ANKFN1: variants seen among roughly 807,000 people sequenced by gnomAD.
The protein encoded by ANKFN1 is ankyrin repeat and fibronectin type-III domain-containing protein 1.
A neutral mutation model predicts 108.7 loss-of-function variants in ANKFN1; 74 were observed. The observed-to-expected ratio is 0.68, with a 90% CI of 0.56 to 0.83. The LOEUF (loss-of-function observed/expected upper bound fraction) is 0.83, where lower values mean the gene tolerates loss of function less well. ANKFN1 is among the 40% of genes least tolerant of loss of function. The probability of loss-of-function intolerance (pLI) is 0.00; values close to 1 mark genes in which losing one functional copy is unlikely to be tolerated. For synonymous variants in ANKFN1, 547 were observed against 516.2 expected, an observed-to-expected ratio of 1.06 and a Z score of -0.81; for missense variants, 1,505 against 1,382.3, an observed-to-expected ratio of 1.09 and a Z score of -1.41.
rs60250816 is a variant in ANKFN1 at position 56,162,871 on chromosome 17, A to C, written c.-71+9341A>C. Among the ~76,000 whole-genome samples the C allele has an allele frequency of 6.4e-3, 980 of 152,122 alleles. 12 individuals are homozygous for C. Among genetic ancestry groups the C allele is most frequent in the African/African-American group, 0.023 (941 of 41,522 alleles). ...GCCAATATGGTGAAACCCTGTCTCT[A>C]CTAAAGTACACAAATTAGCCAGGCA... On this transcript the variant is annotated intron_variant, in intron 1 of 20. Coordinates refer to ENST00000682825, the MANE Select transcript of ANKFN1 (RefSeq NM_001370326.1).
chr17:56,255,412 G>T (rs921715330), intron 3 of ANKFN1, among the ~76,000 whole-genome samples: 5 of 152,132 alleles, frequency 3.3e-5, no homozygotes, highest in East Asian at 3.9e-4. Flanking sequence ...ACAGAGGTTT[G>T]CCCCCACAAA....
At chr17:56,139,530 G>A (rs1907789976) in intron 4 of ANKFN1, among the ~76,000 whole-genome samples, 1 of 152,234 alleles carries the variant, frequency 6.6e-6, no homozygotes, top group South Asian at 2.1e-4. Flanking sequence ...AACAAATTTG[G>A]ATTTGAGCCC....
chr17:56,255,407 G>T (rs974880255), intron 3 of ANKFN1, among the ~76,000 whole-genome samples: 1 of 152,104 alleles, frequency 6.6e-6, no homozygotes, highest in East Asian at 1.9e-4. Context: ...TAACCACAGA[G>T]GTTTGCCCCC....
chr17:56,072,434 G>A (rs56225227), intron 4 of ANKFN1, among the ~76,000 whole-genome samples: 6,421 of 151,960 alleles, frequency 0.042, 427 homozygotes, highest in African/African-American at 0.14. Context: ...CAGTACTGCC[G>A]CAGCTCAGTT....
chr17:56,484,048 T>G (rs1035417341), intron 18 of ANKFN1, among the ~76,000 whole-genome samples: 1 of 152,144 alleles, frequency 6.6e-6, no homozygotes, highest in African/African-American at 2.4e-5. Flanking sequence ...TGTGGGGTGT[T>G]GAAGAACAAA....
chr17:56,192,295 A>G (rs2143699667), intron 1 of ANKFN1, among the ~76,000 whole-genome samples: 1 of 137,346 alleles, frequency 7.3e-6, no homozygotes, highest in South Asian at 2.6e-4. Flanking sequence ...AACCATAAAA[A>G]CCCTAGAAGA....
intron 3 of ANKFN1, among the ~76,000 whole-genome samples, chr17:56,301,041 T>C (rs1027389867): frequency 3.9e-5 from 6 of 152,196 alleles, no homozygotes; most frequent in African/African-American, 7.2e-5. Flanking sequence ...GGCATGCTTG[T>C]ATTAGTAGCC....
intron 4 of ANKFN1, among the ~76,000 whole-genome samples, chr17:56,341,552 A>G (rs146505546): frequency 6.6e-6 from 1 of 152,162 alleles, no homozygotes; most frequent in East Asian, 1.9e-4. Flanking sequence ...TTTTTCATCT[A>G]TTGAGATAAT....
intron 3 of ANKFN1, among the ~76,000 whole-genome samples, chr17:56,322,218 C>T (rs557408259): frequency 2.0e-5 from 3 of 152,264 alleles, no homozygotes; most frequent in South Asian, 4.1e-4. Context: ...CATCATCATC[C>T]GCCATCATGT....
In ANKFN1 at chr17:56,055,054, T is replaced by TC. The variant is rs906195434; in HGVS notation, c.288+8731dup. Among the ~76,000 whole-genome samples, 78 of 151,360 alleles carry TC rather than the reference T, an allele frequency of 5.2e-4. No individual in the cohort carries two copies. In the East Asian group the frequency reaches 9.1e-3, roughly 18 times the overall value. On this transcript the variant is annotated intron_variant, in intron 4 of 12. Transcript: ENST00000635860. ...GAAGGTTGAGGTGACTGTGGCAATT[T>TC]CCTTTTTTTTTTTTCCTCTGATTTT...
chr17:56,110,327 C>T (rs1905889835), intron 4 of ANKFN1, among the ~76,000 whole-genome samples: 1 of 152,166 alleles, frequency 6.6e-6, no homozygotes, highest in South Asian at 2.1e-4. Flanking sequence ...AATTTGTTTA[C>T]TTTTCGGAAA....
intron 8 of ANKFN1, among the ~76,000 whole-genome samples, chr17:56,389,748 A>G (rs2047375232): frequency 6.6e-6 from 1 of 152,176 alleles, no homozygotes; most frequent in Non-Finnish European, 1.5e-5. Context: ...AAAGTTATAG[A>G]CCCATGGAGT....
At chr17:56,065,590 G>C (rs987140190) in intron 4 of ANKFN1, among the ~76,000 whole-genome samples, 2 of 152,186 alleles carry the variant, frequency 1.3e-5, no homozygotes, top group African/African-American at 4.8e-5. Flanking sequence ...AAGCTGTTTT[G>C]GGGTTACTAA....
chr17:56,072,308 C>T (rs7214018), intron 4 of ANKFN1, among the ~76,000 whole-genome samples: 1 of 151,916 alleles, frequency 6.6e-6, no homozygotes, highest in Non-Finnish European at 1.5e-5. Flanking sequence ...TTTTTTAACT[C>T]TTATTGATAT....
chr17:56,362,268 A>G (rs2046542111), intron 6 of ANKFN1, among the ~76,000 whole-genome samples: 1 of 152,256 alleles, frequency 6.6e-6, no homozygotes, highest in Non-Finnish European at 1.5e-5. Context: ...CATTAGTTAT[A>G]TAGTTTGTAT....
Position 56,477,601 on chromosome 17 carries a change from G to T in ANKFN1, c.1887G>T (p.Lys629Asn), listed in dbSNP as rs2050549279. The stretch of plus-strand genomic sequence containing the variant: ...AAATCAAAGTTCTTGTTACCCAAAA[G>T]TTGCCCAACATTCTCTGCCACGTGA... Reference protein sequence around the residue: ...VDQIKVLVTQKLPNILCHVKI... With the variant: ...VDQIKVLVTQNLPNILCHVKI... The change falls in exon 16 of 21, where the codon AAG (lysine) becomes AAT (asparagine). Residue 629 changes from lysine to asparagine, a missense_variant. By Grantham distance (94) the Lys-to-Asn change is moderately conservative. Transcript: ENST00000682825. The T allele has an allele frequency of 7.4e-6, 12 of 1,613,552 alleles. No homozygotes were observed. Among genetic ancestry groups the T allele is most frequent in the Non-Finnish European group, 1.0e-5 (12 of 1,179,830 alleles).
intron 2 of ANKFN1, chr17:56,224,703 T>C (rs903060291): frequency 6.6e-6 from 1 of 152,202 alleles, no homozygotes; most frequent in African/African-American, 2.4e-5. Context: ...GATCAATGAA[T>C]GGTATGAAGA....
chr17:56,469,671 A>G (rs765547205), intron 15 of ANKFN1, among the ~76,000 whole-genome samples: 1 of 152,162 alleles, frequency 6.6e-6, no homozygotes, highest in African/African-American at 2.4e-5. Flanking sequence ...AACCTACTTC[A>G]TAGGGTTCTA....
chr17:56,177,130 T>C (rs1421880370), intron 1 of ANKFN1, among the ~76,000 whole-genome samples: 1 of 152,142 alleles, frequency 6.6e-6, no homozygotes, highest in Non-Finnish European at 1.5e-5. Context: ...AATGACATGA[T>C]TCCAGCCTGA....
Sources: gnomAD v4.1 joint callset for allele counts (sites outside exome capture counted in the v4.1 genomes callset) on GRCh38, gnomAD v4.1.1 for gene constraint, MANE v1.5 for transcripts, NCBI Gene and HGNC (gene_info 2026-07-23, HGNC 2026-07-21) for gene names.